EEFSEC: variants seen among roughly 807,000 people sequenced by gnomAD.
EEFSEC encodes the protein selenocysteine-specific elongation factor.
Under a neutral mutation model 42.1 loss-of-function variants are expected in EEFSEC, and 43 were observed. The observed-to-expected ratio is 1.02, with a 90% confidence interval of 0.80 to 1.32. EEFSEC has a LOEUF of 1.32. Among genes scored for constraint, EEFSEC ranks in the 40% most tolerant of loss-of-function variants. The pLI is 0.00. For missense variants in EEFSEC, 745 were observed against 803.6 expected (o/e 0.93, Z 0.88); for synonymous variants, 354 against 339.1 (o/e 1.04, Z -0.48).
chr3:128,296,559 G>T (rs1473047973), intron 4 of EEFSEC, among the ~76,000 whole-genome samples: 1 of 152,188 alleles, frequency 6.6e-6, no homozygotes, highest in East Asian at 1.9e-4. Flanking sequence ...GCCATGCACA[G>T]ACCTGCAGGG....
intron 4 of EEFSEC, among the ~76,000 whole-genome samples, chr3:128,289,394 A>G (rs1036841712): frequency 3.3e-5 from 5 of 152,202 alleles, no homozygotes; most frequent in African/African-American, 1.2e-4. Flanking sequence ...CCATATCACA[A>G]ATTCAGGTGC....
intron 6 of EEFSEC, among the ~76,000 whole-genome samples, chr3:128,393,268 A>G (rs990345078): frequency 6.6e-6 from 1 of 152,198 alleles, no homozygotes; most frequent in Admixed American, 6.5e-5. Flanking sequence ...GCACCTGCAG[A>G]GCTGAGCACC....
chr3:128,288,905 C>T (rs552475067), intron 4 of EEFSEC, among the ~76,000 whole-genome samples: 131 of 152,264 alleles, frequency 8.6e-4, no homozygotes, highest in Non-Finnish European at 1.7e-3. Context: ...CTCATGGGTC[C>T]GTTGGTGCCT....
At chr3:128,162,103 T>C (rs535302328) in intron 1 of EEFSEC, among the ~76,000 whole-genome samples, 1 of 152,366 alleles carries the variant, frequency 6.6e-6, no homozygotes, top group East Asian at 1.9e-4. Context: ...CTGAGGCATA[T>C]TTGAAGGAGT....
intron 6 of EEFSEC, among the ~76,000 whole-genome samples, chr3:128,378,005 CAGA>C (rs1365571170): frequency 1.3e-5 from 2 of 152,208 alleles, no homozygotes; most frequent in African/African-American, 4.8e-5. Context: ...TAAAGAGATT[CAGA>C]AGAAGAAGAT....
chr3:128,224,193 C>T (rs34262866), intron 1 of EEFSEC, among the ~76,000 whole-genome samples: 1 of 152,162 alleles, frequency 6.6e-6, no homozygotes, highest in Admixed American at 6.5e-5. Flanking sequence ...AATGAAGCAC[C>T]ACTCTGTGAC....
At chr3:128,178,550 G>T (rs546419331) in intron 1 of EEFSEC, among the ~76,000 whole-genome samples, 61 of 116,102 alleles carry the variant, frequency 5.3e-4, no homozygotes, top group Non-Finnish European at 8.3e-4. Flanking sequence ...TCTTTCGGGG[G>T]CAGGCAGATT....
chr3:128,188,625 G>A (rs141956786), intron 1 of EEFSEC, among the ~76,000 whole-genome samples: 60 of 152,318 alleles, frequency 3.9e-4, no homozygotes, highest in Middle Eastern at 3.4e-3. Context: ...CAGTCCGTTG[G>A]TATTATTGTT....
intron 1 of EEFSEC, among the ~76,000 whole-genome samples, chr3:128,193,557 A>G (rs1022848570): frequency 1.3e-5 from 2 of 152,226 alleles, no homozygotes; most frequent in African/African-American, 2.4e-5. Context: ...GGTGGTAATA[A>G]TGATTCTAAA....
At chr3:128,374,660 G>A (rs551088050) in intron 6 of EEFSEC, among the ~76,000 whole-genome samples, 59 of 151,662 alleles carry the variant, frequency 3.9e-4, no homozygotes, top group African/African-American at 1.4e-3. Flanking sequence ...ATGATTCAGT[G>A]ATCAAAGTTA....
At chr3:128,418,106 G>A in the EEFSEC span, among the ~76,000 whole-genome samples, 1 of 152,072 alleles carries the variant, frequency 6.6e-6, no homozygotes, top group East Asian at 1.9e-4. Flanking sequence ...CCCACCACGT[G>A]CCCACCACTG....
At chr3:128,260,155 A>G (rs1389080391) in intron 2 of EEFSEC, among the ~76,000 whole-genome samples, 1 of 151,742 alleles carries the variant, frequency 6.6e-6, no homozygotes, top group African/African-American at 2.4e-5. Flanking sequence ...TTTAACTTTC[A>G]CTTCTTTGAA....
At chr3:128,268,251 G>T (rs1446977724) in intron 4 of EEFSEC, among the ~76,000 whole-genome samples, 3 of 152,184 alleles carry the variant, frequency 2.0e-5, no homozygotes, top group Admixed American at 2.0e-4. Flanking sequence ...CACAGATGGA[G>T]AGGCATTTTG....
intron 1 of EEFSEC, among the ~76,000 whole-genome samples, chr3:128,195,419 C>G (rs964220870): frequency 6.6e-6 from 1 of 152,152 alleles, no homozygotes; most frequent in Non-Finnish European, 1.5e-5. Flanking sequence ...AATCATTATT[C>G]TTTTGTCTCA....
chr3:128,258,466 T>G (rs751584914), intron 2 of EEFSEC, among the ~76,000 whole-genome samples: 2 of 152,146 alleles, frequency 1.3e-5, no homozygotes, highest in African/African-American at 2.4e-5. Flanking sequence ...AGTTTCCTCA[T>G]CTCTAAAATG....
At chr3:128,332,459 T>C (rs2067144315) in intron 4 of EEFSEC, among the ~76,000 whole-genome samples, 1 of 152,228 alleles carries the variant, frequency 6.6e-6, no homozygotes, top group Non-Finnish European at 1.5e-5. Flanking sequence ...CATTGAGTAT[T>C]TTTTATTTTT....
chr3:128,185,955 T>C (rs2065460626), intron 1 of EEFSEC, among the ~76,000 whole-genome samples: 1 of 152,218 alleles, frequency 6.6e-6, no homozygotes, highest in Non-Finnish European at 1.5e-5. Context: ...TGGGTATAAA[T>C]ATACCCAGGA....
Position 128,262,993 on chromosome 3 carries a change from T to A in EEFSEC, c.621+769T>A, listed in dbSNP as rs551269156. ...TCTCTCTGACCTCAGGCAAATGATC[T>A]ACTCTTTCTTGCCTCAGTTCCTTCA... On this transcript the variant is annotated intron_variant, in intron 3 of 6. Coordinates refer to ENST00000254730, the MANE Select transcript of EEFSEC (RefSeq NM_021937.5). Among the ~76,000 whole-genome samples the A allele has an allele frequency of 8.5e-5, 13 of 152,314 alleles. No individual in the cohort carries two copies. In the South Asian group the frequency reaches 2.7e-3, roughly 32 times the overall value.
At chr3:128,368,558 G>A (rs1046434146) in intron 6 of EEFSEC, among the ~76,000 whole-genome samples, 6 of 152,200 alleles carry the variant, frequency 3.9e-5, no homozygotes, top group Non-Finnish European at 8.8e-5. Flanking sequence ...TGACAACTGC[G>A]CATGTTAAAA....
Sources: gnomAD v4.1 joint callset for allele counts (sites outside exome capture counted in the v4.1 genomes callset) on GRCh38, gnomAD v4.1.1 for gene constraint, MANE v1.5 for transcripts, NCBI Gene and HGNC (gene_info 2026-07-23, HGNC 2026-07-21) for gene names.